Variants in LRBA observed in about 807,000 individuals in gnomAD.
The protein encoded by LRBA is LPS responsive beige-like anchor protein.
Under a neutral mutation model 330.0 loss-of-function variants are expected in LRBA, and 176 were observed. The observed-to-expected ratio is 0.53, with a 90% CI of 0.47 to 0.60. LRBA has a LOEUF of 0.60. Ranked by LOEUF, LRBA falls within the 20% of genes least tolerant of loss-of-function variation. LRBA has a pLI of 0.00. For synonymous variants in LRBA, 1,230 were observed against 1,193.0 expected (o/e 1.03, Z -0.64); for missense variants, 3,259 against 3,444.8 (o/e 0.95, Z 1.35).
chr4:150,476,199 T>C (rs749613931), intron 42 of LRBA, among the ~76,000 whole-genome samples: 2 of 152,174 alleles, frequency 1.3e-5, no homozygotes, highest in Non-Finnish European at 2.9e-5. Context: ...AGGTTATTGA[T>C]TTGAGGAATT....
intron 40 of LRBA, chr4:150,580,046 T>G: frequency 4.1e-6 from 1 of 240,974 alleles, no homozygotes; most frequent in Non-Finnish European, 8.3e-6. Context: ...CGGCAAGGCC[T>G]CCCGGGTTAG....
intron 46 of LRBA, among the ~76,000 whole-genome samples, chr4:150,424,227 T>C (rs1163556322): frequency 6.6e-6 from 1 of 152,154 alleles, no homozygotes; most frequent in Non-Finnish European, 1.5e-5. Context: ...AGAGCGAGCA[T>C]ATATACAGCA....
chr4:150,691,881 T>A (rs995618398), intron 36 of LRBA, among the ~76,000 whole-genome samples: 2 of 151,994 alleles, frequency 1.3e-5, no homozygotes, highest in Non-Finnish European at 1.5e-5. Context: ...CACACAACAA[T>A]GTGAACGAAT....
At chr4:150,880,000 T>C (rs182789947) in intron 17 of LRBA, among the ~76,000 whole-genome samples, 22 of 152,208 alleles carry the variant, frequency 1.4e-4, no homozygotes, top group Admixed American at 7.9e-4. Context: ...AACTATACTA[T>C]AAGGCTACAG....
chr4:150,443,316 A>T (rs1244583480), intron 44 of LRBA, among the ~76,000 whole-genome samples: 1 of 152,164 alleles, frequency 6.6e-6, no homozygotes, highest in East Asian at 1.9e-4. Flanking sequence ...TACAACTAGA[A>T]ATACCATTTG....
chr4:150,478,702 T>C (rs1394751108), intron 42 of LRBA, among the ~76,000 whole-genome samples: 2 of 152,146 alleles, frequency 1.3e-5, no homozygotes, highest in Non-Finnish European at 2.9e-5. Flanking sequence ...TTCAGGGCCT[T>C]TGCATATACT....
chr4:150,917,572 G>A (rs1248549408), intron 5 of LRBA, among the ~76,000 whole-genome samples: 1 of 152,116 alleles, frequency 6.6e-6, no homozygotes, highest in Non-Finnish European at 1.5e-5. Context: ...GCTTGGTTTA[G>A]ATTTTTATTT....
intron 44 of LRBA, among the ~76,000 whole-genome samples, chr4:150,437,104 T>C (rs1215451230): frequency 1.3e-5 from 2 of 152,136 alleles, no homozygotes; most frequent in East Asian, 1.9e-4. Context: ...CTAGTTTTCA[T>C]GGAACATAGG....
chr4:150,533,800 T>C (rs765505603), intron 40 of LRBA, among the ~76,000 whole-genome samples: 3 of 152,152 alleles, frequency 2.0e-5, no homozygotes, highest in Non-Finnish European at 2.9e-5. Context: ...GTATTAATAC[T>C]GAGTGCCTGA....
intron 54 of LRBA, among the ~76,000 whole-genome samples, chr4:150,284,090 A>G (rs1747869677): frequency 6.6e-6 from 1 of 152,258 alleles, no homozygotes; most frequent in Admixed American, 6.5e-5. Context: ...ATGGAATTAT[A>G]GAAGAGCGAG....
At chr4:150,441,713 G>C (rs371332046) in intron 44 of LRBA, among the ~76,000 whole-genome samples, 3 of 152,050 alleles carry the variant, frequency 2.0e-5, no homozygotes, top group South Asian at 2.1e-4. Context: ...GAGTAACCTA[G>C]CTCGAAATCA....
chr4:150,712,086 G>A (rs1231035156), intron 36 of LRBA, among the ~76,000 whole-genome samples: 1 of 152,144 alleles, frequency 6.6e-6, no homozygotes, highest in Non-Finnish European at 1.5e-5. Context: ...ATACTGTAGC[G>A]ATTAAAAGAG....
chr4:150,466,872 G>A (rs1755513881), intron 44 of LRBA, among the ~76,000 whole-genome samples: 1 of 151,946 alleles, frequency 6.6e-6, no homozygotes, highest in African/African-American at 2.4e-5. Flanking sequence ...TCTAAAAAAG[G>A]GATAGAAATA....
At chr4:150,824,957 A>C (rs1295650098) in intron 30 of LRBA, among the ~76,000 whole-genome samples, 1 of 151,568 alleles carries the variant, frequency 6.6e-6, no homozygotes, top group African/African-American at 2.4e-5. Flanking sequence ...TTGTTTTAAA[A>C]TCTCACCGTG....
chr4:150,607,811 C>T (rs1581800235), intron 37 of LRBA, among the ~76,000 whole-genome samples: 1 of 151,582 alleles, frequency 6.6e-6, no homozygotes, highest in Admixed American at 6.6e-5. Flanking sequence ...CTGAGGCGGG[C>T]GGATCACGAG....
At chr4:150,643,714 G>A (rs1778889221) in intron 37 of LRBA, among the ~76,000 whole-genome samples, 1 of 151,960 alleles carries the variant, frequency 6.6e-6, no homozygotes, top group Non-Finnish European at 1.5e-5. Flanking sequence ...AGAGATAAAA[G>A]TGGCATTAGG....
intron 40 of LRBA, among the ~76,000 whole-genome samples, chr4:150,507,473 G>T (rs1368232600): frequency 6.7e-6 from 1 of 149,372 alleles, no homozygotes; most frequent in African/African-American, 2.4e-5. Context: ...AACAAGAAAT[G>T]AGGAAAGGAT....
intron 28 of LRBA, among the ~76,000 whole-genome samples, chr4:150,840,203 G>A (rs762411183): frequency 4.6e-5 from 7 of 152,106 alleles, no homozygotes; most frequent in Non-Finnish European, 8.8e-5. Context: ...GTATAAAGCC[G>A]TTTTACTTCT....
chr4:150,781,316 G>A (rs1412318723), intron 34 of LRBA, among the ~76,000 whole-genome samples: 2 of 152,248 alleles, frequency 1.3e-5, no homozygotes, highest in Non-Finnish European at 2.9e-5. Flanking sequence ...GGGAGACAGT[G>A]ACAGATTATC....
Sources: allele counts gnomAD v4.1 joint callset (sites outside exome capture counted in the v4.1 genomes callset), GRCh38; gene constraint gnomAD v4.1.1; transcripts MANE v1.5; gene names NCBI Gene and HGNC (gene_info 2026-07-23, HGNC 2026-07-21).